Variants in MYO1D observed in about 807,000 individuals in gnomAD.
MYO1D encodes the protein unconventional myosin-Id.
Under a neutral mutation model 122.0 loss-of-function variants are expected in MYO1D, and 83 were observed. That is an observed-to-expected ratio of 0.68 (90% CI 0.57 to 0.82). MYO1D has a LOEUF of 0.82. Among genes scored for constraint, MYO1D ranks in the 40% least tolerant of loss-of-function variants. The pLI, the probability that MYO1D is intolerant of heterozygous loss-of-function variation, is 0.00. For synonymous variants in MYO1D, 464 were observed against 446.9 expected (o/e 1.04, Z -0.48); for missense variants, 1,157 against 1,269.5 (o/e 0.91, Z 1.35).
chr17:32,698,646 G>A (rs2089205989), intron 16 of MYO1D, among the ~76,000 whole-genome samples: 1 of 151,902 alleles, frequency 6.6e-6, no homozygotes, highest in African/African-American at 2.4e-5. Context: ...CTTTTGGCTG[G>A]TTTACAAAAT....
intron 1 of MYO1D, among the ~76,000 whole-genome samples, chr17:32,788,864 T>C (rs112009859): frequency 5.9e-5 from 9 of 152,230 alleles, no homozygotes; most frequent in African/African-American, 2.2e-4. Flanking sequence ...TTCACAACAC[T>C]GATTCTTCCC....
chr17:32,539,248 C>A (rs1395077530), intron 21 of MYO1D, among the ~76,000 whole-genome samples: 1 of 148,894 alleles, frequency 6.7e-6, no homozygotes, highest in African/African-American at 2.5e-5. Flanking sequence ...TCAAGACCAG[C>A]CGAGGTGACG....
chr17:32,590,277 C>A (rs2087427720), intron 21 of MYO1D, among the ~76,000 whole-genome samples: 1 of 152,198 alleles, frequency 6.6e-6, no homozygotes, highest in African/African-American at 2.4e-5. Flanking sequence ...ATTCTCCTCC[C>A]TTCTATGGGG....
chr17:32,757,880 G>A (rs2089965033), intron 10 of MYO1D, among the ~76,000 whole-genome samples: 1 of 152,124 alleles, frequency 6.6e-6, no homozygotes, highest in African/African-American at 2.4e-5. Flanking sequence ...GGGTAGCTTA[G>A]GGACATGGGG....
intron 16 of MYO1D, among the ~76,000 whole-genome samples, chr17:32,698,292 TCCCCC>T (rs1166078680): frequency 9.2e-6 from 1 of 108,676 alleles, no homozygotes; most frequent in South Asian, 4.6e-4. Flanking sequence ...CTCCCTCCCT[TCCCCC>T]CTCTCCCTCC....
At chr17:32,803,232 C>T (rs957849928) in intron 1 of MYO1D, among the ~76,000 whole-genome samples, 1 of 152,024 alleles carries the variant, frequency 6.6e-6, no homozygotes, top group Non-Finnish European at 1.5e-5. Flanking sequence ...CTGCAGGCTC[C>T]GCCTCCCAGG....
intron 1 of MYO1D, among the ~76,000 whole-genome samples, chr17:32,803,171 GAA>G (rs1330615084): frequency 6.6e-6 from 1 of 151,922 alleles, no homozygotes; most frequent in Non-Finnish European, 1.5e-5. Flanking sequence ...TTTTGAGACA[GAA>G]TCTTACTCTG....
chr17:32,778,315 G>A (rs749441274), intron 3 of MYO1D, among the ~76,000 whole-genome samples, 165 bp downstream of exon 3: 1 of 152,142 alleles, frequency 6.6e-6, no homozygotes, highest in Non-Finnish European at 1.5e-5. Flanking sequence ...TAAAAGTACA[G>A]AGACAATATG....
chr17:32,540,369 C>A (rs535597110), intron 21 of MYO1D, among the ~76,000 whole-genome samples: 2 of 143,380 alleles, frequency 1.4e-5, no homozygotes, highest in South Asian at 4.6e-4. Context: ...AGAAAACCCA[C>A]AGAATAGAAA....
At chr17:32,849,123 TCACA>T (rs1372855351) in intron 1 of MYO1D, among the ~76,000 whole-genome samples, 1 of 151,946 alleles carries the variant, frequency 6.6e-6, no homozygotes, top group Non-Finnish European at 1.5e-5. Context: ...AGATATCATC[TCACA>T]CCAGTTAGAA....
chr17:32,504,411 A>AC (rs1909424390), intron 21 of MYO1D, among the ~76,000 whole-genome samples: 1 of 152,196 alleles, frequency 6.6e-6, no homozygotes, highest in South Asian at 2.1e-4. Context: ...CCAGAGAAGG[A>AC]CAAATGCGGT....
intron 21 of MYO1D, among the ~76,000 whole-genome samples, chr17:32,591,624 T>C (rs1322792116): frequency 6.6e-6 from 1 of 151,882 alleles, no homozygotes; most frequent in African/African-American, 2.4e-5. Context: ...CTTTTGCACT[T>C]GTCAGCAATT....
intron 16 of MYO1D, among the ~76,000 whole-genome samples, chr17:32,667,736 C>A (rs980476056): frequency 6.6e-6 from 1 of 152,120 alleles, no homozygotes; most frequent in African/African-American, 2.4e-5. Flanking sequence ...ACTAACTTGC[C>A]GAGTTAATTG....
intron 4 of MYO1D, among the ~76,000 whole-genome samples, chr17:32,774,919 G>C (rs1456065807): frequency 6.6e-6 from 1 of 152,224 alleles, no homozygotes; most frequent in Non-Finnish European, 1.5e-5. Flanking sequence ...TCAAGGTGGA[G>C]ACTTGATTTT....
At position 32,494,676 on chromosome 17, in the gene MYO1D, G is replaced by A. The variant is rs866477541; in HGVS notation, c.*83C>T. The A allele has an allele frequency of 1.6e-5, 23 of 1,435,738 alleles. 1 individual carries two copies. In the Middle Eastern group the frequency reaches 9.6e-4, roughly 60 times the overall value. The allele number at this position is 1,435,738 out of a possible 1,614,324, so 88.9% of individuals were successfully genotyped here. On this transcript the variant is annotated 3_prime_UTR_variant, in exon 22 of 22. Coordinates refer to ENST00000318217, the MANE Select transcript of MYO1D (RefSeq NM_015194.3). ...GGGGCCCTCGCAGCAGGTTTCTAGC[G>A]GGCATGGGTTGGGAGGCAGCAGCTG... is the stretch of plus-strand genomic sequence containing the variant.
intron 15 of MYO1D, among the ~76,000 whole-genome samples, chr17:32,717,025 A>G (rs1476117110): frequency 6.6e-6 from 1 of 152,244 alleles, no homozygotes; most frequent in Admixed American, 6.5e-5. Context: ...AACCTAAACT[A>G]CTTGCAAAAA....
At chr17:32,746,025 T>G (rs28474942) in intron 12 of MYO1D, among the ~76,000 whole-genome samples, 12,367 of 152,224 alleles carry the variant, frequency 0.081, 1,687 homozygotes, top group African/African-American at 0.28. Flanking sequence ...ATAGGAACTT[T>G]AGACACAGCT....
intron 20 of MYO1D, among the ~76,000 whole-genome samples, chr17:32,621,567 T>C (rs1194756666): frequency 6.6e-6 from 1 of 152,170 alleles, no homozygotes; most frequent in Non-Finnish European, 1.5e-5. Flanking sequence ...CATGTGTTCC[T>C]TATCAAAGCC....
chr17:32,551,476 T>C (rs2087014495), intron 21 of MYO1D, among the ~76,000 whole-genome samples: 1 of 151,948 alleles, frequency 6.6e-6, no homozygotes, highest in South Asian at 2.1e-4. Context: ...GAGAGAAAAA[T>C]GTTTTTGGCA....
Sources: gnomAD v4.1 joint callset for allele counts (sites outside exome capture counted in the v4.1 genomes callset) on GRCh38, gnomAD v4.1.1 for gene constraint, MANE v1.5 for transcripts, NCBI Gene and HGNC (gene_info 2026-07-23, HGNC 2026-07-21) for gene names.